The following PHGDH variants were observed in gnomAD, a reference collection of about 807,000 sequenced individuals.
PHGDH encodes phosphoglycerate dehydrogenase, also known as D-3-phosphoglycerate dehydrogenase.
A neutral mutation model predicts 52.6 loss-of-function variants in PHGDH; 50 were observed. The observed-to-expected ratio is 0.95, with a 90% CI of 0.76 to 1.20. The LOEUF (loss-of-function observed/expected upper bound fraction) is 1.20. Among genes scored for constraint, PHGDH ranks in the 50% most tolerant of loss-of-function variants. The pLI, the probability that PHGDH is intolerant of heterozygous loss-of-function variation, is 0.00. For missense variants in PHGDH, 630 were observed against 684.6 expected (o/e 0.92, Z 0.89); for synonymous variants, 271 against 280.5 (o/e 0.97, Z 0.34).
chr1:119,727,982 A>C (rs1450182653), intron 5 of PHGDH, among the ~76,000 whole-genome samples: 1 of 152,192 alleles, frequency 6.6e-6, no homozygotes, highest in African/African-American at 2.4e-5. Context: ...CTGGGTGCAC[A>C]TGAGTAGTAG....
Position 119,726,637 on chromosome 1 carries a change from G to T in PHGDH, c.357-214G>T, listed in dbSNP as rs587632615. On this transcript the variant is annotated intron_variant, in intron 3 of 11. Transcript: ENST00000641023. ...CCTCCCAGATGCCTGGCTGGTCACA[G>T]AAATCCCAGGCTTTCTAAGTCAGAT... The T allele has an allele frequency of 9.8e-6, 6 of 611,380 alleles. No individual in the cohort carries two copies. The East Asian group carries it at 1.7e-4, about 17-fold the overall frequency. The allele number at this position is 611,380 out of a possible 1,614,324, so 37.9% of individuals were successfully genotyped here.
chr1:119,733,519 G>GA (rs1491170357), intron 5 of PHGDH, among the ~76,000 whole-genome samples: 1 of 9,204 alleles, frequency 1.1e-4, no homozygotes, highest in African/African-American at 1.7e-3. Context: ...ATTTTTTGTA[G>GA]GGGGGGGGGT....
intron 5 of PHGDH, among the ~76,000 whole-genome samples, chr1:119,732,347 G>T (rs1651732125): frequency 6.6e-6 from 1 of 152,218 alleles, no homozygotes; most frequent in South Asian, 2.1e-4. Flanking sequence ...CTGCCCTGGG[G>T]CTGGGATTGA....
Position 119,724,760 on chromosome 1 carries a change from A to G in PHGDH, c.356+1319A>G, listed in dbSNP as rs113575455. On this transcript the variant is annotated intron_variant, in intron 3 of 11. Coordinates refer to ENST00000641023, the MANE Select transcript of PHGDH (RefSeq NM_006623.4). Reference sequence around the variant, plus strand: ...AGGTGGAAGGAAAGGATTGGGAGCCAGCAATACTTTCCCTCCTTTTCCAGG... The same window carrying G: ...AGGTGGAAGGAAAGGATTGGGAGCCGGCAATACTTTCCCTCCTTTTCCAGG... The G allele has an allele frequency of 1.4e-4, 64 of 456,310 alleles. 1 individual carries two copies. The highest frequency in any genetic ancestry group is 9.8e-4 in the African/African-American group (49 of 50,086). The allele number at this position is 456,310 out of a possible 1,614,324, so 28.3% of individuals were successfully genotyped here.
At chr1:119,725,861 A>G (rs1333035098) in intron 3 of PHGDH, among the ~76,000 whole-genome samples, 2 of 152,208 alleles carry the variant, frequency 1.3e-5, no homozygotes, top group Non-Finnish European at 2.9e-5. Context: ...AATCTGTTCA[A>G]GTGCCTCCAG....
rs1362570339 is a variant in PHGDH at position 119,725,550 on chromosome 1, T to TC, written c.357-1296dup. Among the ~76,000 whole-genome samples, 8 of 152,264 alleles carry TC rather than the reference T, an allele frequency of 5.3e-5. No individual in the cohort carries two copies. In the South Asian group the frequency reaches 1.5e-3, roughly 28 times the overall value. Reference sequence around the variant, plus strand: ...AGAGCAGTGAGGTGAATGCAGCTTGTCCCCCATGTGGCTTGGTACTGAAGT... The same window carrying TC: ...AGAGCAGTGAGGTGAATGCAGCTTGTCCCCCCATGTGGCTTGGTACTGAAGT... On this transcript the variant is annotated intron_variant, in intron 3 of 11. Coordinates refer to ENST00000641023, the MANE Select transcript of PHGDH (RefSeq NM_006623.4).
intron 3 of PHGDH, among the ~76,000 whole-genome samples, chr1:119,724,108 CTTGAGTCT>C (rs1651289037): frequency 6.6e-6 from 1 of 152,092 alleles, no homozygotes; most frequent in Admixed American, 6.5e-5. Flanking sequence ...ACAGAATGTG[CTTGAGTCT>C]CAGTGTGTTG....
chr1:119,739,292 T>A (rs12722921), intron 8 of PHGDH, among the ~76,000 whole-genome samples: 3,883 of 152,254 alleles, frequency 0.026, 61 homozygotes, highest in Non-Finnish European at 0.031. Context: ...CCCTCTTAGT[T>A]GGACTTTCCT....
At position 119,721,524 on chromosome 1, in the gene PHGDH, A is replaced by G. The variant is rs139666099; in HGVS notation, c.290+203A>G. ...TTGGAAGGCAGCTATGCTCACCACT[A>G]TATCACCAATGCCATCAGGGTGTTA... is the stretch of plus-strand genomic sequence containing the variant. On this transcript the variant is annotated intron_variant, in intron 2 of 11. Coordinates refer to ENST00000641023, the MANE Select transcript of PHGDH (RefSeq NM_006623.4). 1.6e-3 allele frequency: 928 copies of G among 576,268 alleles called. 3 individuals are homozygous for G. Among genetic ancestry groups the G allele is most frequent in the Non-Finnish European group, 2.5e-3 (804 of 324,256 alleles). 35.7% of individuals were successfully genotyped at this position (576,268 alleles called of 1,614,324 possible).
At position 119,722,898 on chromosome 1, in the gene PHGDH, CAA is replaced by C. The variant is rs59674663; in HGVS notation, c.291-462_291-461del. On this transcript the variant is annotated intron_variant, in intron 2 of 11. Transcript: ENST00000641023. ...CCTGGGTGACAGAGCGAGGCCTTGTCAAAAAAAAAAAAAAAAAGCCAGGTTGG... is the reference window on the plus strand; with the variant it reads ...CCTGGGTGACAGAGCGAGGCCTTGTCAAAAAAAAAAAAAAAGCCAGGTTGG... Among the ~76,000 whole-genome samples, 680 of 88,656 alleles carry C rather than the reference CAA, an allele frequency of 7.7e-3. 6 individuals carry two copies. The highest frequency in any genetic ancestry group is 0.024 in the African/African-American group (616 of 25,706). The allele number at this position is 88,656 out of a possible 152,430, so 58.2% of individuals were successfully genotyped here.
At position 119,737,101 on chromosome 1, in the gene PHGDH, T is replaced by A; in HGVS notation, c.793-13T>A. The A allele has an allele frequency of 6.2e-7, 1 of 1,613,790 alleles. No homozygotes were observed. Among genetic ancestry groups the A allele is most frequent in the Non-Finnish European group, 8.5e-7 (1 of 1,179,872 alleles). On this transcript the variant is annotated splice_polypyrimidine_tract_variant and intron_variant, in intron 7 of 11. Transcript: ENST00000641023. ...CCATGGCAGCCAACTTAGAGGTATC[T>A]CTTTCTGGGCAGGAGCCGCCACGGG...
chr1:119,726,759 T>C (rs1455123340), intron 3 of PHGDH, 92 bp from the exon 4 acceptor site: 2 of 990,692 alleles, frequency 2.0e-6, no homozygotes, highest in East Asian at 2.4e-5. Flanking sequence ...GTGGCTGTCA[T>C]GGGCAGTGAC....
intron 5 of PHGDH, among the ~76,000 whole-genome samples, chr1:119,731,590 T>C (rs1345465843): frequency 1.3e-5 from 2 of 152,238 alleles, no homozygotes; most frequent in Non-Finnish European, 2.9e-5. Context: ...TGAGGTCTAC[T>C]GTGTCGGTTC....
chr1:119,732,298 A>T (rs1361440923), intron 5 of PHGDH, among the ~76,000 whole-genome samples: 1 of 152,228 alleles, frequency 6.6e-6, no homozygotes, highest in Non-Finnish European at 1.5e-5. Flanking sequence ...AGTCCTGCTT[A>T]GAAAGTGAGG....
rs1221642224 is a variant in PHGDH at position 119,719,625 on chromosome 1, A to C, written c.139-1545A>C. 3 of 152,372 alleles carry C rather than the reference A, an allele frequency of 2.0e-5. No individual in the cohort carries two copies. The East Asian group carries it at 5.8e-4, about 29-fold the overall frequency. 9.4% of individuals were successfully genotyped at this position (152,372 alleles called of 1,614,324 possible). A position where few individuals can be genotyped will look rare whatever the true frequency, so the allele number is the denominator to read the frequency against. On this transcript the variant is annotated intron_variant, in intron 1 of 11. Transcript: ENST00000641023. ...GTGTTTAGAAGCTCTTAAGGCTTAA[A>C]TATTCTATGCTGCAGCCTAAGCATC...
rs141408688 is a variant in PHGDH, at chr1:119,744,021, C to T, written c.1583C>T (p.Ala528Val). 117 of 1,614,174 alleles carry T rather than the reference C, an allele frequency of 7.2e-5. No homozygotes were observed. The African/African-American group carries it at 1.2e-3, about 17-fold the overall frequency. The change falls in exon 12 of 12, where the codon GCC (alanine) becomes GTC (valine). Residue 528 changes from alanine (A) to valine (V), a missense_variant. By Grantham distance (64) the Ala-to-Val change is moderately conservative. Transcript: ENST00000641023. ...LEAWKQHVTE[A>V]FQFHF is the part of the protein sequence containing the mutation. ...GCGTGGAAGCAGCATGTGACTGAAG[C>T]CTTCCAGTTCCACTTCTAACCTTGG...
At chr1:119,714,645 G>A (rs1429919392) in intron 1 of PHGDH, among the ~76,000 whole-genome samples, 1 of 152,206 alleles carries the variant, frequency 6.6e-6, no homozygotes, top group East Asian at 1.9e-4. Flanking sequence ...AAAGGAGGCA[G>A]ATCATTTGAA....
At chr1:119,733,085 C>T (rs1236442750) in intron 5 of PHGDH, among the ~76,000 whole-genome samples, 4 of 152,212 alleles carry the variant, frequency 2.6e-5, no homozygotes, top group Admixed American at 6.5e-5. Flanking sequence ...AGGTTACAGC[C>T]GAGGGGAGCA....
At position 119,742,884 on chromosome 1, in the gene PHGDH, C is replaced by T. The variant is rs749990293; in HGVS notation, c.1287C>T (p.Gly429=). ...GCCTCCTGGCCGTGGCCCTGGCAGG[C>T]GCCCCTTACCAGGCTGTGGGCTTGG... ...GECLLAVALA[G]APYQAVGLVQ... The change falls in exon 11 of 12, where the codon GGC becomes GGT. Residue 429 remains glycine (G), a synonymous_variant. Transcript: ENST00000641023. 22 of 1,613,882 alleles carry T rather than the reference C, an allele frequency of 1.4e-5. No homozygotes were observed. The highest frequency in any genetic ancestry group is 3.3e-5 in the Admixed American group (2 of 60,036).
Sources: gnomAD v4.1 joint callset for allele counts (sites outside exome capture counted in the v4.1 genomes callset) on GRCh38, gnomAD v4.1.1 for gene constraint, MANE v1.5 for transcripts, NCBI Gene and HGNC (gene_info 2026-07-23, HGNC 2026-07-21) for gene names.